LYST: variants seen among roughly 807,000 people sequenced by gnomAD.
LYST encodes the protein lysosomal trafficking regulator.
LYST carries 192 observed loss-of-function variants against 413.6 expected under a neutral mutation model. The ratio of observed to expected loss-of-function variants is 0.46; its 90% CI spans 0.41 to 0.52. The LOEUF is 0.52. LYST is among the 20% of genes least tolerant of loss of function. The pLI is 0.00. For missense variants in LYST, 3,815 were observed against 4,499.9 expected, an observed-to-expected ratio of 0.85 and a Z score of 4.35; for synonymous variants, 1,525 against 1,567.3, an observed-to-expected ratio of 0.97 and a Z score of 0.64.
At chr1:235,764,452 CT>C (rs1322241944) in intron 21 of LYST, among the ~76,000 whole-genome samples, 2 of 149,426 alleles carry the variant, frequency 1.3e-5, no homozygotes, top group East Asian at 3.9e-4. Flanking sequence ...ACATTTACTG[CT>C]GCTTATTTTA....
intron 3 of LYST, among the ~76,000 whole-genome samples, chr1:235,823,126 TG>T (rs576150855): frequency 4.6e-4 from 70 of 151,398 alleles, no homozygotes; most frequent in Non-Finnish European, 8.2e-4. Flanking sequence ...ATATATTCAT[TG>T]CTTCAATCAG....
In LYST at chr1:235,770,303, G is replaced by A. The variant is rs780060711; in HGVS notation, c.5785-6C>T. 2.5e-6 allele frequency: 4 copies of A among 1,613,450 alleles called. No homozygotes were observed. In the East Asian group the frequency reaches 6.7e-5, roughly 27 times the overall value. ...AAAGTTTCCCAAACACCTTGCTGAA[G>A]AGATAAACACACACCAATAAGCACA... On this transcript the variant is annotated splice_region_variant and splice_polypyrimidine_tract_variant and intron_variant, in intron 19 of 52. Coordinates refer to ENST00000389793, the MANE Select transcript of LYST (RefSeq NM_000081.4).
intron 45 of LYST, among the ~76,000 whole-genome samples, chr1:235,700,106 A>T (rs1572026713): frequency 6.6e-6 from 1 of 152,208 alleles, no homozygotes; most frequent in Admixed American, 6.5e-5. Context: ...ATTAAAGACA[A>T]ATGTAAAACC....
At chr1:235,819,415 C>T (rs1015950118) in intron 3 of LYST, among the ~76,000 whole-genome samples, 4 of 152,028 alleles carry the variant, frequency 2.6e-5, no homozygotes, top group African/African-American at 7.2e-5. Flanking sequence ...AACTTGCAGC[C>T]CTCTATTTCA....
chr1:235,846,173 C>A (rs1041225905), intron 1 of LYST, among the ~76,000 whole-genome samples: 1 of 152,172 alleles, frequency 6.6e-6, no homozygotes, highest in African/African-American at 2.4e-5. Flanking sequence ...GGCTGAGAGA[C>A]CCATAGATGG....
chr1:235,871,315 T>C (rs1056683697), upstream of LYST, among the ~76,000 whole-genome samples: 4 of 152,252 alleles, frequency 2.6e-5, no homozygotes, highest in Non-Finnish European at 4.4e-5. Flanking sequence ...CTAGAGCGAT[T>C]CCATCTTGAA....
At position 235,734,488 on chromosome 1, in the gene LYST, T is replaced by G. The variant is rs770246867; in HGVS notation, c.8530A>C (p.Lys2844Gln). Residue 2844 changes from lysine (K) to glutamine (Q), a missense_variant, in exon 32 of 53, where the codon AAA becomes CAA. Lys to Gln is a moderately conservative substitution (Grantham distance 53, BLOSUM62 1). This residue lies in a region of LYST where 771 missense variants were observed against 837.1 expected (regional missense o/e 0.92). Transcript: ENST00000389793. ...CTATGGTTTCATTGACTCACCTCTT[T>G]GATCATTTTAATAAGGTCTGCTTTT... ...STKADLIKMI[K>Q]EEQKKYETEE... 6.2e-7 allele frequency: 1 copy of G among 1,613,364 alleles called. No homozygotes were observed. Among genetic ancestry groups the G allele is most frequent in the Non-Finnish European group, 8.5e-7 (1 of 1,179,342 alleles).
In LYST at chr1:235,800,354, C is replaced by A. The variant is rs373436668; in HGVS notation, c.3972G>T (p.Leu1324Phe). ...CAGAATCATCCTGTGTTAAAATACT[C>A]AAGAACCCTCCTAAAAGATTTTTCA... Reference protein sequence around the residue: ...GTVKNLLGGFLSILTQDDSDF... With the variant: ...GTVKNLLGGFFSILTQDDSDF... The change falls in exon 10 of 53, where the codon TTG (leucine) becomes TTT (phenylalanine). Residue 1324 changes from leucine (L) to phenylalanine (F), a missense_variant. Transcript: ENST00000389793. 6.0e-5 allele frequency: 95 copies of A among 1,594,544 alleles called. No homozygotes were observed. The highest frequency in any genetic ancestry group is 7.9e-5 in the Non-Finnish European group (92 of 1,162,642).
At chr1:235,682,120 A>G (rs61348682) in intron 48 of LYST, among the ~76,000 whole-genome samples, 12,283 of 152,180 alleles carry the variant, frequency 0.081, 1,617 homozygotes, top group African/African-American at 0.28. Context: ...GAATAGCCTG[A>G]GCAACATAGT....
intron 36 of LYST, 63 bp downstream of exon 36, chr1:235,730,784 T>C: frequency 9.5e-7 from 1 of 1,048,000 alleles, no homozygotes; most frequent in Non-Finnish European, 1.5e-6. Context: ...AAATATTACA[T>C]AAACACTACA....
At chr1:235,868,415 CTG>C (rs1680756765), upstream of LYST, among the ~76,000 whole-genome samples, 1 of 152,192 alleles carries the variant, frequency 6.6e-6, no homozygotes, top group Non-Finnish European at 1.5e-5. Context: ...TTACCTAAAG[CTG>C]TGTCTACTCT....
chr1:235,685,836 ACT>A (rs1660174708), intron 48 of LYST, among the ~76,000 whole-genome samples: 1 of 149,778 alleles, frequency 6.7e-6, no homozygotes, highest in South Asian at 2.1e-4. Flanking sequence ...ACAGAGTGAG[ACT>A]CTGTCTTAAA....
Position 235,746,434 on chromosome 1 carries a change from C to T in LYST, c.7874G>A (p.Arg2625Lys). Reference protein sequence around the residue: ...NDELHVMMQRRMSQENPSQAT... With the variant: ...NDELHVMMQRKMSQENPSQAT... ...TTGGCTAGGGTTCTCTTGGCTCATTCTCCGTTGCATCATCACATGAAGCTC... is the reference window on the plus strand; with the variant it reads ...TTGGCTAGGGTTCTCTTGGCTCATTTTCCGTTGCATCATCACATGAAGCTC... Residue 2625 changes from arginine to lysine, a missense_variant, in exon 29 of 53, where the codon AGA (arginine) becomes AAA (lysine). Around this residue, in one of 4 missense-constraint regions of LYST, gnomAD observed 771 missense variants for 837.1 expected, o/e 0.92. Transcript: ENST00000389793. The T allele has an allele frequency of 6.2e-7, 1 of 1,613,940 alleles. No homozygotes were observed. Among genetic ancestry groups the T allele is most frequent in the Non-Finnish European group, 8.5e-7 (1 of 1,179,888 alleles).
intron 48 of LYST, among the ~76,000 whole-genome samples, chr1:235,680,003 A>C (rs758455804): frequency 2.1e-4 from 28 of 133,350 alleles, no homozygotes; most frequent in Admixed American, 3.7e-4. Flanking sequence ...CTCTCTCTCT[A>C]TAAATATCTA....
chr1:235,762,213 G>C (rs1214798211), intron 22 of LYST, among the ~76,000 whole-genome samples: 1 of 152,182 alleles, frequency 6.6e-6, no homozygotes, highest in Non-Finnish European at 1.5e-5. Flanking sequence ...AGTGATGCAT[G>C]TGATTGAAAA....
At chr1:235,869,024 C>T (rs903781589), upstream of LYST, among the ~76,000 whole-genome samples, 1 of 152,076 alleles carries the variant, frequency 6.6e-6, no homozygotes, top group Admixed American at 6.6e-5. Context: ...TAAGCTACTG[C>T]AGTATGTATT....
At chr1:235,676,748 T>C (rs1157998732) in intron 50 of LYST, among the ~76,000 whole-genome samples, 1 of 152,124 alleles carries the variant, frequency 6.6e-6, no homozygotes, top group African/African-American at 2.4e-5. Flanking sequence ...ACAAAGTCAA[T>C]AGTTACAAAG....
At chr1:235,852,563 T>C (rs1463790140) in intron 1 of LYST, among the ~76,000 whole-genome samples, 4 of 152,164 alleles carry the variant, frequency 2.6e-5, no homozygotes, top group Non-Finnish European at 5.9e-5. Flanking sequence ...ATTCTAAACA[T>C]TCTCAACAAC....
At chr1:235,760,012 A>G (rs1447939114) in intron 22 of LYST, among the ~76,000 whole-genome samples, 3 of 152,208 alleles carry the variant, frequency 2.0e-5, no homozygotes, top group Non-Finnish European at 4.4e-5. Flanking sequence ...CTTCTTAACA[A>G]AATACAGTAT....
Sources: gnomAD v4.1 joint callset for allele counts (sites outside exome capture counted in the v4.1 genomes callset) on GRCh38, gnomAD v4.1.1 for gene constraint, gnomAD v4.1.1 regional missense constraint, MANE v1.5 for transcripts, NCBI Gene and HGNC (gene_info 2026-07-23, HGNC 2026-07-21) for gene names.